Variants in DACH2 observed in about 807,000 individuals in gnomAD.
The protein encoded by DACH2 is dachshund homolog 2.
In DACH2, 17 loss-of-function variants were observed where a neutral mutation model predicts 35.8. The ratio of observed to expected loss-of-function variants is 0.48; its 90% CI spans 0.33 to 0.71. The LOEUF is 0.71. Among genes scored for constraint, DACH2 ranks in the 30% least tolerant of loss-of-function variants. The pLI is 0.02. For synonymous variants in DACH2, 195 were observed against 177.3 expected, an observed-to-expected ratio of 1.10 and a Z score of -0.79; for missense variants, 469 against 472.7, an observed-to-expected ratio of 0.99 and a Z score of 0.07.
chrX:86,719,705 C>G lies in DACH2; in HGVS notation c.1104+4985C>G, dbSNP rs2041378975. 3.6e-5 allele frequency among the ~76,000 whole-genome samples: 4 copies of G among 109,817 alleles called. No homozygotes were observed. In the South Asian group the frequency reaches 1.2e-3, roughly 32 times the overall value. ...ACCATCAGATCTCATGAGACTCACT[C>G]TTTCACAATAACAGCATGGAGGAAA... On this transcript the variant is annotated intron_variant, in intron 6 of 11. Coordinates refer to ENST00000373125, the MANE Select transcript of DACH2 (RefSeq NM_053281.3).
chrX:86,400,199 A>C (rs960208778), intron 2 of DACH2, among the ~76,000 whole-genome samples: 9 of 111,485 alleles, frequency 8.1e-5, no homozygotes, highest in African/African-American at 2.6e-4. Context: ...TGCATTCATC[A>C]CGTAATTCTC....
intron 11 of DACH2, among the ~76,000 whole-genome samples, chrX:86,820,349 G>T (rs1479372679): frequency 8.9e-6 from 1 of 111,783 alleles, no homozygotes; most frequent in Non-Finnish European, 1.9e-5. Context: ...AAATGTGGTG[G>T]CATCCTAAAT....
At chrX:86,459,024 A>T (rs762027498) in intron 2 of DACH2, among the ~76,000 whole-genome samples, 63 of 111,814 alleles carry the variant, frequency 5.6e-4, no homozygotes, top group African/African-American at 2.0e-3. Context: ...ATAATAAAAA[A>T]CTTATTAAAT....
intron 1 of DACH2, among the ~76,000 whole-genome samples, chrX:86,330,339 G>A (rs181155378): frequency 1.8e-5 from 2 of 111,928 alleles, no homozygotes; most frequent in African/African-American, 6.5e-5. Flanking sequence ...AATTAATCAT[G>A]TTTGTGTTGT....
At chrX:86,320,148 G>A (rs746643697) in intron 1 of DACH2, among the ~76,000 whole-genome samples, 1 of 111,303 alleles carries the variant, frequency 9.0e-6, no homozygotes, top group African/African-American at 3.3e-5. Context: ...AGTTATTTTA[G>A]GGTCTTTCAT....
chrX:86,349,932 G>A (rs1461506872), intron 1 of DACH2, among the ~76,000 whole-genome samples: 1 of 111,899 alleles, frequency 8.9e-6, no homozygotes, highest in Non-Finnish European at 1.9e-5. Context: ...TTAGGAGGCT[G>A]ACGTGGGCTG....
intron 3 of DACH2, among the ~76,000 whole-genome samples, chrX:86,618,823 G>A (rs966860750): frequency 1.6e-4 from 18 of 111,700 alleles, no homozygotes; most frequent in African/African-American, 5.5e-4. Context: ...AATGCACTCA[G>A]TTTTAAAATA....
chrX:86,586,041 C>G (rs1290239466), intron 3 of DACH2, among the ~76,000 whole-genome samples: 1 of 111,510 alleles, frequency 9.0e-6, no homozygotes, highest in African/African-American at 3.3e-5. Flanking sequence ...AATGTATAAG[C>G]ATTCCCTTTA....
chrX:86,615,734 A>G (rs2148372904), intron 3 of DACH2, among the ~76,000 whole-genome samples: 1 of 110,866 alleles, frequency 9.0e-6, no homozygotes, highest in Non-Finnish European at 1.9e-5. Context: ...TGGACCTTAT[A>G]GAGTGACAGC....
chrX:86,210,527 T>G (rs989790127), intron 1 of DACH2, among the ~76,000 whole-genome samples: 2 of 111,847 alleles, frequency 1.8e-5, no homozygotes, highest in African/African-American at 6.5e-5. Flanking sequence ...ACTTTGGTTT[T>G]GCAAACTTCT....
At chrX:86,473,986 T>G (rs1462020819) in intron 2 of DACH2, among the ~76,000 whole-genome samples, 1 of 111,931 alleles carries the variant, frequency 8.9e-6, no homozygotes, top group Non-Finnish European at 1.9e-5. Context: ...TCACCAGCAG[T>G]GAATGAGGGT....
chrX:86,163,827 T>C (rs1430161527), intron 1 of DACH2, among the ~76,000 whole-genome samples: 1 of 111,487 alleles, frequency 9.0e-6, no homozygotes, highest in Non-Finnish European at 1.9e-5. Flanking sequence ...ATTTCTGTCA[T>C]CGATGGGCAT....
At chrX:86,267,445 G>T (rs956059731) in intron 1 of DACH2, among the ~76,000 whole-genome samples, 1 of 112,071 alleles carries the variant, frequency 8.9e-6, no homozygotes, top group Non-Finnish European at 1.9e-5. Context: ...AATTTCAAAA[G>T]CTATTGATTT....
chrX:86,593,137 A>T lies in DACH2; in HGVS notation c.641-57899A>T, dbSNP rs185203605. Among the ~76,000 whole-genome samples, 12 of 111,146 alleles carry T rather than the reference A, an allele frequency of 1.1e-4. No individual in the cohort carries two copies. The East Asian group carries it at 3.4e-3, about 31-fold the overall frequency. ...AGTTTCTGACCATTAAGTATAATAT[A>T]AAATTAGCTGTAGGATTTCTGTGGA... On this transcript the variant is annotated intron_variant, in intron 3 of 11. Transcript: ENST00000373125.
At chrX:86,515,689 T>C (rs1176808791) in intron 3 of DACH2, among the ~76,000 whole-genome samples, 1 of 112,445 alleles carries the variant, frequency 8.9e-6, no homozygotes, top group Admixed American at 9.4e-5. Flanking sequence ...ACTTACATGC[T>C]CCACACTTCT....
intron 3 of DACH2, among the ~76,000 whole-genome samples, chrX:86,562,224 C>T (rs762892493): frequency 1.8e-5 from 2 of 110,486 alleles, no homozygotes; most frequent in East Asian, 5.8e-4. Flanking sequence ...AAGAAGGTGA[C>T]ACATGTTTTT....
intron 4 of DACH2, among the ~76,000 whole-genome samples, chrX:86,677,553 G>A (rs1436824849): frequency 8.9e-6 from 1 of 111,980 alleles, no homozygotes; most frequent in Non-Finnish European, 1.9e-5. Context: ...TGAAAGCAAG[G>A]AATTTGGGTA....
At position 86,206,220 on chromosome X, in the gene DACH2, C is replaced by G. The variant is rs112989886; in HGVS notation, c.488+57112C>G. On this transcript the variant is annotated intron_variant, in intron 1 of 11. Transcript: ENST00000373125. The stretch of plus-strand genomic sequence containing the variant: ...TCAGTATTACATATGAATTTGCACT[C>G]TTTGGTATATACATTCAGCCTGTTT... Among the ~76,000 whole-genome samples the G allele has an allele frequency of 5.6e-3, 620 of 110,141 alleles. 5 individuals are homozygous for G. Among genetic ancestry groups the G allele is most frequent in the African/African-American group, 0.02 (606 of 29,904 alleles).
intron 4 of DACH2, among the ~76,000 whole-genome samples, chrX:86,672,794 C>A (rs2040779650): frequency 9.0e-6 from 1 of 111,715 alleles, no homozygotes; most frequent in Non-Finnish European, 1.9e-5. Context: ...AGCCACCATA[C>A]AAAGTCACCA....
Sources: gnomAD v4.1 joint callset for allele counts (sites outside exome capture counted in the v4.1 genomes callset) on GRCh38, gnomAD v4.1.1 for gene constraint, MANE v1.5 for transcripts, NCBI Gene and HGNC (gene_info 2026-07-23, HGNC 2026-07-21) for gene names.